The following SYTL2 variants were observed in gnomAD, a reference collection of about 807,000 sequenced individuals.
SYTL2 encodes the protein synaptotagmin-like protein 2.
A neutral mutation model predicts 198.7 loss-of-function variants in SYTL2; 165 were observed. That is an observed-to-expected ratio of 0.83 (90% CI 0.73 to 0.94). The LOEUF (loss-of-function observed/expected upper bound fraction) is 0.94. SYTL2 is among the 40% of genes least tolerant of loss of function. The pLI, the probability that SYTL2 is intolerant of heterozygous loss-of-function variation, is 0.00. For missense variants in SYTL2, 2,835 were observed against 2,582.8 expected, an observed-to-expected ratio of 1.10 and a Z score of -2.12; for synonymous variants, 966 against 917.7, an observed-to-expected ratio of 1.05 and a Z score of -0.95.
At chr11:85,848,110 C>T in the SYTL2 span, among the ~76,000 whole-genome samples, 8 of 152,024 alleles carry the variant, frequency 5.3e-5, no homozygotes, top group Non-Finnish European at 1.0e-4. Flanking sequence ...CATGGTGGCA[C>T]GTGCCTGTGG....
rs61736739 is a variant in SYTL2, at chr11:85,727,895, C to T, written c.1463G>A (p.Gly488Asp). The change falls in exon 8 of 20, where the codon GGT (glycine) becomes GAT (aspartate). Residue 488 changes from glycine to aspartate, a missense_variant. By Grantham distance (94) the Gly-to-Asp change is moderately conservative (BLOSUM62 -1). This residue lies in a region of SYTL2 where 2,645 missense variants were observed against 2,381.7 expected (regional missense o/e 1.11). Coordinates refer to ENST00000359152, the MANE Select transcript of SYTL2 (RefSeq NM_206927.4). ...PGGSSRDRQQ[G>D]KPPPLPALKA... Reference sequence around the variant, plus strand: ...TAGAGCCGGGAGAGGAGGGGGCTTACCTTGCTGACGGTCTCTAGAACTGCC... The same window carrying T: ...TAGAGCCGGGAGAGGAGGGGGCTTATCTTGCTGACGGTCTCTAGAACTGCC... The T allele has an allele frequency of 5.1e-5, 83 of 1,613,712 alleles. No homozygotes were observed. The highest frequency in any genetic ancestry group is 1.2e-4 in the Admixed American group (7 of 59,952).
intron 12 of SYTL2, among the ~76,000 whole-genome samples, chr11:85,712,569 T>C (rs963855067): frequency 6.6e-6 from 1 of 152,174 alleles, no homozygotes; most frequent in African/African-American, 2.4e-5. Context: ...TTCTGGCATC[T>C]CTGATACACA....
chr11:85,799,012 G>A (rs1418665500), intron 1 of SYTL2, among the ~76,000 whole-genome samples: 1 of 152,162 alleles, frequency 6.6e-6, no homozygotes, highest in Non-Finnish European at 1.5e-5. Context: ...TCTATGGACA[G>A]GCAGTTTCAC....
chr11:85,710,571 A>G (rs988916398), intron 13 of SYTL2, among the ~76,000 whole-genome samples: 23 of 152,216 alleles, frequency 1.5e-4, no homozygotes, highest in African/African-American at 5.5e-4. Flanking sequence ...CTTATGCAAG[A>G]AGTTCTATGT....
At chr11:85,778,444 C>A (rs1331369236) in intron 1 of SYTL2, among the ~76,000 whole-genome samples, 1 of 152,200 alleles carries the variant, frequency 6.6e-6, no homozygotes, top group Non-Finnish European at 1.5e-5. Context: ...CACAACAGTA[C>A]CCGGTACTAA....
chr11:85,798,182 GTTTT>G (rs1566036097), intron 1 of SYTL2, among the ~76,000 whole-genome samples: 1 of 152,030 alleles, frequency 6.6e-6, no homozygotes, highest in Non-Finnish European at 1.5e-5. Flanking sequence ...CTCAAGTTCA[GTTTT>G]TTTGTCAGCC....
chr11:85,734,006 G>A lies in SYTL2; in HGVS notation c.1323C>T (p.Ile441=). 1 of 1,614,098 alleles carries A rather than the reference G, an allele frequency of 6.2e-7. No individual in the cohort carries two copies. Among genetic ancestry groups the A allele is most frequent in the Non-Finnish European group, 8.5e-7 (1 of 1,179,948 alleles). Residue 441 remains isoleucine (I), a synonymous_variant, in exon 7 of 20, where the codon ATC becomes ATT. Transcript: ENST00000359152. The stretch of plus-strand genomic sequence containing the variant: ...CTGATGATTTATCTTTGGGTTCATT[G>A]ATGGTTGGTGAATTCTCCATAGACT... ...RPQSMENSPT[I]NEPKDKSSEL...
At chr11:85,796,843 TATATC>T (rs1215216478) in intron 1 of SYTL2, among the ~76,000 whole-genome samples, 1 of 152,218 alleles carries the variant, frequency 6.6e-6, no homozygotes, top group African/African-American at 2.4e-5. Flanking sequence ...TAAACTTAAA[TATATC>T]AGGAAGCTAA....
chr11:85,773,381 C>T (rs1450624619), intron 1 of SYTL2, among the ~76,000 whole-genome samples: 1 of 152,222 alleles, frequency 6.6e-6, no homozygotes, highest in Non-Finnish European at 1.5e-5. Context: ...TTGGAACATG[C>T]AGCTCCTTTT....
chr11:85,727,900 C>G lies in SYTL2; in HGVS notation c.1458G>C (p.Gln486His). 2 of 1,613,866 alleles carry G rather than the reference C, an allele frequency of 1.2e-6. No individual in the cohort carries two copies. Among genetic ancestry groups the G allele is most frequent in the Non-Finnish European group, 1.7e-6 (2 of 1,179,944 alleles). ...QVPGGSSRDRQQGKPPPLPAL... is the reference protein window; with the variant it reads ...QVPGGSSRDRHQGKPPPLPAL... ...CCGGGAGAGGAGGGGGCTTACCTTG[C>G]TGACGGTCTCTAGAACTGCCACCTG... Residue 486 changes from glutamine to histidine, a missense_variant, in exon 8 of 20, where the codon CAG (glutamine) becomes CAC (histidine). Around this residue, in one of 3 missense-constraint regions of SYTL2, gnomAD observed 2,645 missense variants for 2,381.7 expected, o/e 1.11. Transcript: ENST00000359152.
chr11:85,762,059 G>T (rs1365758737), intron 1 of SYTL2, among the ~76,000 whole-genome samples: 2 of 152,220 alleles, frequency 1.3e-5, no homozygotes, highest in Non-Finnish European at 2.9e-5. Context: ...GCTGATGGTT[G>T]TGTCAGAATA....
chr11:85,755,678 G>C (rs1240533960), intron 2 of SYTL2, among the ~76,000 whole-genome samples: 12 of 152,128 alleles, frequency 7.9e-5, no homozygotes, highest in Admixed American at 7.9e-4. Context: ...ACCAATGCAA[G>C]TGCCCAAGAA....
chr11:85,782,715 A>G (rs1456927457), intron 1 of SYTL2, among the ~76,000 whole-genome samples: 1 of 152,186 alleles, frequency 6.6e-6, no homozygotes, highest in Non-Finnish European at 1.5e-5. Context: ...TCTTACAGAT[A>G]TCCTAATCAT....
rs549458276 is a variant in SYTL2 at position 85,810,338 on chromosome 11, GAGAA to G, written c.-390+612_-390+615del. On this transcript the variant is annotated intron_variant, in intron 1 of 19. Coordinates refer to ENST00000359152, the MANE Select transcript of SYTL2 (RefSeq NM_206927.4). ...GGGAAGACGCGGCAGGATGGGTGCAGAGAAAGAGAGACCCACTTCCTATATGCTG... is the reference window on the plus strand; with the variant it reads ...GGGAAGACGCGGCAGGATGGGTGCAGAGAGAGACCCACTTCCTATATGCTG... 6.6e-5 allele frequency among the ~76,000 whole-genome samples: 10 copies of G among 152,270 alleles called. No homozygotes were observed. The South Asian group carries it at 1.7e-3, about 25-fold the overall frequency.
At chr11:85,790,562 C>G (rs1191664473) in intron 1 of SYTL2, among the ~76,000 whole-genome samples, 2 of 152,152 alleles carry the variant, frequency 1.3e-5, no homozygotes, top group Admixed American at 1.3e-4. Context: ...TTATTAAGTA[C>G]CTACAATGTG....
At chr11:85,757,581 T>C in intron 2 of SYTL2, 44 bp downstream of exon 2, 1 of 1,603,406 alleles carries the variant, frequency 6.2e-7, no homozygotes, top group Non-Finnish European at 8.5e-7. Flanking sequence ...TCGTACAGAC[T>C]GCCTCTTCCT....
chr11:85,834,873 C>T, the SYTL2 span, among the ~76,000 whole-genome samples: 3 of 151,960 alleles, frequency 2.0e-5, no homozygotes, highest in African/African-American at 7.3e-5. Context: ...GATCCTCTCA[C>T]CTCAGCACCC....
chr11:85,705,974 G>C (rs891509724), intron 15 of SYTL2, among the ~76,000 whole-genome samples: 3 of 152,174 alleles, frequency 2.0e-5, no homozygotes, highest in African/African-American at 7.2e-5. Context: ...CAAATACTTG[G>C]ACAGAGTTTT....
At chr11:85,776,315 C>A (rs2092450339) in intron 1 of SYTL2, among the ~76,000 whole-genome samples, 1 of 152,168 alleles carries the variant, frequency 6.6e-6, no homozygotes. Context: ...AGTTTTGTTA[C>A]ATAGGTATAC....
Sources: gnomAD v4.1 joint callset for allele counts (sites outside exome capture counted in the v4.1 genomes callset) on GRCh38, gnomAD v4.1.1 for gene constraint, gnomAD v4.1.1 regional missense constraint, MANE v1.5 for transcripts, NCBI Gene and HGNC (gene_info 2026-07-23, HGNC 2026-07-21) for gene names.